Variants in DOK5 observed in about 807,000 individuals in gnomAD.
DOK5 encodes docking protein 5, also known as downstream of tyrosine kinase 5.
In DOK5, 27 loss-of-function variants were observed where a neutral mutation model predicts 43.3. The ratio of observed to expected loss-of-function variants is 0.62; its 90% CI spans 0.46 to 0.86. The LOEUF (loss-of-function observed/expected upper bound fraction) is 0.86, where lower values mean the gene tolerates loss of function less well. Ranked by LOEUF, DOK5 falls within the 40% of genes least tolerant of loss-of-function variation. The pLI is 0.00. For synonymous variants in DOK5, 146 were observed against 140.1 expected, an observed-to-expected ratio of 1.04 and a Z score of -0.30; for missense variants, 373 against 392.9, an observed-to-expected ratio of 0.95 and a Z score of 0.43.
At chr20:54,484,777 G>T (rs1981863171) in intron 1 of DOK5, among the ~76,000 whole-genome samples, 1 of 152,234 alleles carries the variant, frequency 6.6e-6, no homozygotes, top group Non-Finnish European at 1.5e-5. Flanking sequence ...ACTTTGGGAG[G>T]CCAAGGCAGA....
chr20:54,544,438 A>G (rs909489297), intron 1 of DOK5, among the ~76,000 whole-genome samples: 3 of 152,222 alleles, frequency 2.0e-5, no homozygotes, highest in Non-Finnish European at 4.4e-5. Flanking sequence ...GTCATGACAC[A>G]GTCATTCATA....
chr20:54,625,963 C>T (rs556890405), intron 6 of DOK5, among the ~76,000 whole-genome samples: 1 of 152,302 alleles, frequency 6.6e-6, no homozygotes, highest in Non-Finnish European at 1.5e-5. Context: ...GAAATCTCTG[C>T]CTTCAGGAAG....
intron 1 of DOK5, among the ~76,000 whole-genome samples, chr20:54,484,776 G>A (rs749345809): frequency 5.3e-5 from 8 of 152,228 alleles, no homozygotes; most frequent in African/African-American, 9.6e-5. Flanking sequence ...GACTTTGGGA[G>A]GCCAAGGCAG....
At chr20:54,635,697 G>T (rs1246702338) in intron 6 of DOK5, among the ~76,000 whole-genome samples, 1 of 152,168 alleles carries the variant, frequency 6.6e-6, no homozygotes. Context: ...ACCACCTTGG[G>T]CAGATGTTCT....
At chr20:54,649,393 G>T (rs1428900812) in intron 7 of DOK5, among the ~76,000 whole-genome samples, 1 of 152,098 alleles carries the variant, frequency 6.6e-6, no homozygotes, top group African/African-American at 2.4e-5. Context: ...CTGCACTGCA[G>T]CCGGGGCGAA....
intron 2 of DOK5, among the ~76,000 whole-genome samples, chr20:54,584,020 C>A (rs1985720848): frequency 6.6e-6 from 1 of 151,386 alleles, no homozygotes; most frequent in Non-Finnish European, 1.5e-5. Context: ...CACGGTGGTG[C>A]ACACCTATAG....
intron 1 of DOK5, among the ~76,000 whole-genome samples, chr20:54,494,589 T>A (rs1258256646): frequency 6.6e-6 from 1 of 152,218 alleles, no homozygotes; most frequent in African/African-American, 2.4e-5. Flanking sequence ...TGGCCCATGG[T>A]TCTCCCTTGA....
chr20:54,501,198 T>G (rs926655239), intron 1 of DOK5, among the ~76,000 whole-genome samples: 2 of 151,364 alleles, frequency 1.3e-5, no homozygotes, highest in Non-Finnish European at 2.9e-5. Flanking sequence ...CTGGGCGCGG[T>G]GGCTCACGCC....
chr20:54,476,449 GTCAC>G (rs1981431080), intron 1 of DOK5, among the ~76,000 whole-genome samples: 1 of 152,146 alleles, frequency 6.6e-6, no homozygotes, highest in African/African-American at 2.4e-5. Context: ...TGTGAACGAG[GTCAC>G]GAACCCTCTG....
chr20:54,476,109 G>A lies in DOK5; in HGVS notation c.66+97G>A, dbSNP rs970674505. ...GGGTGGACGGAGAGTCCCCGGCCGC[G>A]CGCCGGAGAATTGCGCGGTGGCTTT... On this transcript the variant is annotated intron_variant, in intron 1 of 7. Coordinates refer to ENST00000262593, the MANE Select transcript of DOK5 (RefSeq NM_018431.5). The A allele has an allele frequency of 7.0e-6, 11 of 1,570,376 alleles. No individual in the cohort carries two copies. In the African/African-American group the frequency reaches 1.3e-4, roughly 19 times the overall value.
chr20:54,487,694 A>AG (rs1348627055), intron 1 of DOK5, among the ~76,000 whole-genome samples: 1 of 152,196 alleles, frequency 6.6e-6, no homozygotes, highest in East Asian at 1.9e-4. Context: ...TTAGGTGCTT[A>AG]GGGAAAAAAC....
chr20:54,536,639 C>G (rs1429159506), intron 1 of DOK5, among the ~76,000 whole-genome samples: 1 of 152,188 alleles, frequency 6.6e-6, no homozygotes. Flanking sequence ...CAGCAAAAGC[C>G]TGCTCTCCCT....
chr20:54,618,606 G>A (rs1307722730), intron 6 of DOK5, among the ~76,000 whole-genome samples: 2 of 152,168 alleles, frequency 1.3e-5, no homozygotes, highest in Non-Finnish European at 2.9e-5. Flanking sequence ...GCCTCCCAAA[G>A]TGCTGGGACC....
chr20:54,573,764 A>G (rs1291647005), intron 2 of DOK5, among the ~76,000 whole-genome samples: 1 of 152,008 alleles, frequency 6.6e-6, no homozygotes, highest in Non-Finnish European at 1.5e-5. Flanking sequence ...TCTTCCACGT[A>G]ATGACCTCTA....
chr20:54,504,438 T>C (rs1982729843), intron 1 of DOK5, among the ~76,000 whole-genome samples: 1 of 152,206 alleles, frequency 6.6e-6, no homozygotes, highest in Non-Finnish European at 1.5e-5. Context: ...AAAAGCAAGA[T>C]CTGGAAGTTT....
intron 6 of DOK5, among the ~76,000 whole-genome samples, chr20:54,637,951 T>A (rs545336343): frequency 6.6e-6 from 1 of 152,136 alleles, no homozygotes; most frequent in South Asian, 2.1e-4. Flanking sequence ...TGAAACCCCG[T>A]CTCTACTAAA....
At chr20:54,571,653 C>T (rs1178728971) in intron 2 of DOK5, among the ~76,000 whole-genome samples, 1 of 152,158 alleles carries the variant, frequency 6.6e-6, no homozygotes, top group Non-Finnish European at 1.5e-5. Flanking sequence ...GCAAAATCTT[C>T]CCCAGACTGA....
intron 2 of DOK5, among the ~76,000 whole-genome samples, chr20:54,575,135 A>G (rs1985411819): frequency 1.3e-5 from 2 of 152,250 alleles, no homozygotes; most frequent in South Asian, 4.1e-4. Context: ...AAAAACAGAC[A>G]GATCTAGAAC....
At chr20:54,480,977 TATCTATCATCTATC>T (rs200123855) in intron 1 of DOK5, among the ~76,000 whole-genome samples, 4 of 63,222 alleles carry the variant, frequency 6.3e-5, no homozygotes, top group South Asian at 9.5e-4. Context: ...ATCATCTATC[TATCTATCATCTATC>T]ATCTATCTAT....
Sources: gnomAD v4.1 joint callset for allele counts (sites outside exome capture counted in the v4.1 genomes callset) on GRCh38, gnomAD v4.1.1 for gene constraint, MANE v1.5 for transcripts, NCBI Gene and HGNC (gene_info 2026-07-23, HGNC 2026-07-21) for gene names.